Variants in CACNG2 observed in about 807,000 individuals in gnomAD.
CACNG2 encodes voltage-dependent calcium channel gamma-2 subunit.
CACNG2 carries 3 observed loss-of-function variants against 25.9 expected under a neutral mutation model. The ratio of observed to expected loss-of-function variants is 0.12; its 90% CI spans 0.05 to 0.30. The LOEUF (loss-of-function observed/expected upper bound fraction) is 0.30, where lower values mean the gene tolerates loss of function less well. Among genes scored for constraint, CACNG2 ranks in the 10% least tolerant of loss-of-function variants. The probability of loss-of-function intolerance (pLI) is 1.00; values close to 1 mark genes in which losing one functional copy is unlikely to be tolerated. For synonymous variants in CACNG2, 167 were observed against 173.3 expected (o/e 0.96, Z 0.29); for missense variants, 341 against 432.5 (o/e 0.79, Z 1.88).
At chr22:36,615,073 A>G (rs1415256117) in intron 1 of CACNG2, among the ~76,000 whole-genome samples, 4 of 152,204 alleles carry the variant, frequency 2.6e-5, no homozygotes, top group African/African-American at 9.6e-5. Context: ...TATTTTGTTC[A>G]CAATGTACCT....
chr22:36,686,776 TC>T (rs1047398968), intron 1 of CACNG2, among the ~76,000 whole-genome samples: 10 of 152,182 alleles, frequency 6.6e-5, no homozygotes, highest in African/African-American at 2.2e-4. Context: ...CCAAGTCCCT[TC>T]CTTTTTGGGC....
chr22:36,609,958 C>A (rs899266456), intron 1 of CACNG2, among the ~76,000 whole-genome samples: 10 of 150,836 alleles, frequency 6.6e-5, no homozygotes, highest in African/African-American at 2.4e-4. Flanking sequence ...AATCAGCCCC[C>A]CAGAGCGTGA....
intron 1 of CACNG2, among the ~76,000 whole-genome samples, chr22:36,607,880 C>A (rs764863511): frequency 1.3e-5 from 2 of 152,174 alleles, no homozygotes; most frequent in Non-Finnish European, 2.9e-5. Flanking sequence ...CTCTCTTCTC[C>A]ACCTAAAACA....
chr22:36,660,934 C>T (rs1283719784), intron 1 of CACNG2, among the ~76,000 whole-genome samples: 1 of 152,180 alleles, frequency 6.6e-6, no homozygotes, highest in Non-Finnish European at 1.5e-5. Flanking sequence ...ACGATTGTTA[C>T]AGGATTAAAT....
intron 1 of CACNG2, among the ~76,000 whole-genome samples, chr22:36,658,851 G>A (rs1468419960): frequency 6.6e-6 from 1 of 152,140 alleles, no homozygotes; most frequent in African/African-American, 2.4e-5. Context: ...AGGTTGGGTG[G>A]TCAGGACTGG....
intron 2 of CACNG2, among the ~76,000 whole-genome samples, chr22:36,566,871 A>ATT (rs1935136519): frequency 6.6e-6 from 1 of 152,192 alleles, no homozygotes; most frequent in Non-Finnish European, 1.5e-5. Flanking sequence ...AGAGCTTCCT[A>ATT]CTGGAATGTC....
intron 1 of CACNG2, among the ~76,000 whole-genome samples, chr22:36,644,887 G>A (rs781083662): frequency 1.3e-5 from 2 of 152,096 alleles, no homozygotes; most frequent in African/African-American, 2.4e-5. Flanking sequence ...TCTCTAGGAT[G>A]ACGAACCTGG....
intron 2 of CACNG2, among the ~76,000 whole-genome samples, chr22:36,570,175 G>C (rs576888083): frequency 2.6e-5 from 4 of 152,240 alleles, no homozygotes; most frequent in Non-Finnish European, 4.4e-5. Context: ...CTGCCAGCAG[G>C]GGGAGGGAGC....
intron 1 of CACNG2, among the ~76,000 whole-genome samples, chr22:36,692,833 TA>T (rs1284453770): frequency 6.6e-6 from 1 of 151,970 alleles, no homozygotes; most frequent in African/African-American, 2.4e-5. Flanking sequence ...ATGCATGTGC[TA>T]AAAAAATAAA....
chr22:36,674,893 T>C (rs1245442804), intron 1 of CACNG2, among the ~76,000 whole-genome samples: 3 of 152,226 alleles, frequency 2.0e-5, no homozygotes, highest in Admixed American at 6.5e-5. Context: ...TTCTCATCTG[T>C]AAAGTAAGTT....
At chr22:36,598,287 A>G (rs1165952979) in intron 1 of CACNG2, among the ~76,000 whole-genome samples, 1 of 152,170 alleles carries the variant, frequency 6.6e-6, no homozygotes, top group Non-Finnish European at 1.5e-5. Context: ...TCCCTGGGGC[A>G]CCAAGATCTT....
At chr22:36,660,796 A>G (rs1032007636) in intron 1 of CACNG2, among the ~76,000 whole-genome samples, 1 of 152,234 alleles carries the variant, frequency 6.6e-6, no homozygotes, top group African/African-American at 2.4e-5. Flanking sequence ...GCCTTCCCTC[A>G]TCCCAGTCCT....
intron 2 of CACNG2, among the ~76,000 whole-genome samples, chr22:36,573,162 G>A (rs909094221): frequency 6.6e-6 from 1 of 152,104 alleles, no homozygotes; most frequent in African/African-American, 2.4e-5. Flanking sequence ...ACACAAACTC[G>A]TTAGTTCTCA....
intron 1 of CACNG2, among the ~76,000 whole-genome samples, chr22:36,652,665 C>G (rs1936637598): frequency 6.6e-6 from 1 of 152,056 alleles, no homozygotes. Context: ...CTCTTTTGCC[C>G]ATGACACTGT....
At chr22:36,680,000 T>A (rs1192625666) in intron 1 of CACNG2, among the ~76,000 whole-genome samples, 2 of 151,326 alleles carry the variant, frequency 1.3e-5, no homozygotes, top group African/African-American at 4.9e-5. Flanking sequence ...ACCACCTTCA[T>A]GATCACCACC....
intron 1 of CACNG2, among the ~76,000 whole-genome samples, chr22:36,661,966 CTTTTTTTTT>C (rs71193254): frequency 6.3e-4 from 28 of 44,582 alleles, no homozygotes; most frequent in African/African-American, 9.6e-4. Flanking sequence ...CATTGCTATT[CTTTTTTTTT>C]TTTTTTTTTT....
intron 1 of CACNG2, among the ~76,000 whole-genome samples, chr22:36,611,755 G>T (rs1935945188): frequency 6.6e-6 from 1 of 152,172 alleles, no homozygotes; most frequent in Non-Finnish European, 1.5e-5. Flanking sequence ...GCCGGCGTCT[G>T]TTCTGTCTGG....
Position 36,680,874 on chromosome 22 carries a change from A to G in CACNG2, c.211+21492T>C, listed in dbSNP as rs537163783. Among the ~76,000 whole-genome samples, 53 of 150,572 alleles carry G rather than the reference A, an allele frequency of 3.5e-4. No homozygotes were observed. In the East Asian group the frequency reaches 6.7e-3, roughly 19 times the overall value. On this transcript the variant is annotated intron_variant, in intron 1 of 3. Coordinates refer to ENST00000300105, the MANE Select transcript of CACNG2 (RefSeq NM_006078.5). ...TACTACCACCACCATCACCATCACT[A>G]TCACCACCACCACCATCACCATCAT...
intron 1 of CACNG2, among the ~76,000 whole-genome samples, chr22:36,591,251 G>C (rs967863831): frequency 4.6e-5 from 7 of 151,788 alleles, no homozygotes; most frequent in Non-Finnish European, 1.0e-4. Context: ...CTGTGGTCTC[G>C]ATCTCCTGAC....
Sources: gnomAD v4.1 joint callset for allele counts (sites outside exome capture counted in the v4.1 genomes callset) on GRCh38, gnomAD v4.1.1 for gene constraint, MANE v1.5 for transcripts, NCBI Gene and HGNC (gene_info 2026-07-23, HGNC 2026-07-21) for gene names.